The following SRRM3 variants were observed in gnomAD, a reference collection of about 807,000 sequenced individuals.
SRRM3 encodes the protein serine/arginine repetitive matrix 3.
Under a neutral mutation model 66.2 loss-of-function variants are expected in SRRM3, and 27 were observed. The ratio of observed to expected loss-of-function variants is 0.41; its 90% CI spans 0.30 to 0.56. SRRM3 has a LOEUF of 0.56. Ranked by LOEUF, SRRM3 falls within the 20% of genes least tolerant of loss-of-function variation. The pLI is 0.32. For missense variants in SRRM3, 918 were observed against 991.9 expected (o/e 0.93, Z 1.00); for synonymous variants, 391 against 414.9 (o/e 0.94, Z 0.70).
chr7:76,239,546 T>A (rs898509398), intron 2 of SRRM3, among the ~76,000 whole-genome samples: 3 of 151,828 alleles, frequency 2.0e-5, no homozygotes, highest in Non-Finnish European at 4.4e-5. Flanking sequence ...AAAAAAAAAT[T>A]TTTTTAACTA....
intron 3 of SRRM3, 64 bp downstream of exon 3, chr7:76,248,353 T>A: frequency 7.9e-7 from 1 of 1,261,748 alleles, no homozygotes; most frequent in Non-Finnish European, 1.1e-6. Flanking sequence ...AGCTGGGTAC[T>A]AAAGGGGCCT....
At chr7:76,259,868 G>C in intron 3 of SRRM3, 38 bp from the exon 4 acceptor site, 1 of 1,598,832 alleles carries the variant, frequency 6.3e-7, no homozygotes, top group Non-Finnish European at 8.5e-7. Context: ...AAGAAAAGTC[G>C]TCCCGAGACT....
intron 1 of SRRM3, among the ~76,000 whole-genome samples, chr7:76,214,657 A>G (rs533631892): frequency 2.0e-4 from 30 of 152,120 alleles, no homozygotes; most frequent in African/African-American, 7.2e-4. Context: ...GGGAGCCCCA[A>G]CTTCTGAGTT....
At chr7:76,268,867 A>G (rs1264852669) in intron 11 of SRRM3, 1 of 152,404 alleles carries the variant, frequency 6.6e-6, no homozygotes, top group African/African-American at 2.4e-5. Flanking sequence ...ACAACCCACA[A>G]GAGGGGCACC....
chr7:76,245,201 C>T (rs1554606059), intron 2 of SRRM3, among the ~76,000 whole-genome samples: 1 of 152,136 alleles, frequency 6.6e-6, no homozygotes, highest in Non-Finnish European at 1.5e-5. Context: ...AGCATGTGTT[C>T]ATTTTTTTTA....
intron 3 of SRRM3, among the ~76,000 whole-genome samples, chr7:76,249,339 C>T (rs1404468603): frequency 6.6e-6 from 1 of 151,642 alleles, no homozygotes; most frequent in African/African-American, 2.4e-5. Context: ...TGAGCCGCGC[C>T]ACTGCACTCC....
At chr7:76,279,034 C>G (rs1161988641) in intron 11 of SRRM3, among the ~76,000 whole-genome samples, 1 of 152,172 alleles carries the variant, frequency 6.6e-6, no homozygotes, top group Non-Finnish European at 1.5e-5. Flanking sequence ...CAGAGGATCA[C>G]TTGAGGTCAG....
At chr7:76,220,729 G>A (rs1210982548) in intron 1 of SRRM3, among the ~76,000 whole-genome samples, 7 of 152,294 alleles carry the variant, frequency 4.6e-5, no homozygotes, top group East Asian at 1.9e-4. Flanking sequence ...TGCAGTGCCC[G>A]CACCCTTGCA....
At chr7:76,265,828 TTATA>T (rs1167434051) in intron 10 of SRRM3, among the ~76,000 whole-genome samples, 1,637 of 25,532 alleles carry the variant, frequency 0.064, 210 homozygotes, top group South Asian at 0.11. Flanking sequence ...TAATAAATAT[TTATA>T]TATATATATA....
Position 76,285,904 on chromosome 7 carries a change from G to T in SRRM3, c.*61G>T. On this transcript the variant is annotated 3_prime_UTR_variant, in exon 15 of 15. Transcript: ENST00000611745. This position sits in a 1 kb window ranked among gnomAD's most constrained non-coding sequence, Gnocchi z 4.1. ...TGGGAGAGGCGAGGGGCGGGCCCCA[G>T]GACCCCAGTGGGGAGGGGGCTATAT... 6.8e-7 allele frequency: 1 copy of T among 1,479,236 alleles called. No individual in the cohort carries two copies. The highest frequency in any genetic ancestry group is 1.3e-5 in the South Asian group (1 of 75,022). The allele number at this position is 1,479,236 out of a possible 1,614,324, so 91.6% of individuals were successfully genotyped here.
chr7:76,262,888 G>A (rs1300988059), intron 8 of SRRM3, among the ~76,000 whole-genome samples: 2 of 151,852 alleles, frequency 1.3e-5, no homozygotes, highest in Non-Finnish European at 2.9e-5. Flanking sequence ...GAGAGGAGAG[G>A]AGAGCTCGGA....
At chr7:76,251,750 C>G (rs1386540857) in intron 3 of SRRM3, among the ~76,000 whole-genome samples, 8 of 151,710 alleles carry the variant, frequency 5.3e-5, no homozygotes, top group African/African-American at 1.7e-4. Flanking sequence ...GGCAACAGAG[C>G]AAGACCCCCA....
At chr7:76,248,082 G>A in intron 2 of SRRM3, 106 bp from the exon 3 acceptor site, 2 of 786,380 alleles carry the variant, frequency 2.5e-6, no homozygotes, top group Non-Finnish European at 4.3e-6. Context: ...AAGCCGGAGT[G>A]TGCACTTGTG....
chr7:76,259,550 C>T (rs1247281889), intron 3 of SRRM3, among the ~76,000 whole-genome samples: 1 of 150,962 alleles, frequency 6.6e-6, no homozygotes, highest in Non-Finnish European at 1.5e-5. Context: ...GCAACCCAGC[C>T]TGAGCAACAG....
Position 76,252,765 on chromosome 7 carries a change from T to C in SRRM3, c.335+4476T>C, listed in dbSNP as rs186766138. On this transcript the variant is annotated intron_variant, in intron 3 of 14. Coordinates refer to ENST00000611745, the MANE Select transcript of SRRM3 (RefSeq NM_001110199.3). ...ACATCATAGGGAATGTTCCTTTTCT[T>C]CTCTGCACCTCAGTTTTCTCATCTG... Among the ~76,000 whole-genome samples the C allele has an allele frequency of 1.8e-3, 267 of 152,340 alleles. 5 individuals carry two copies. The highest frequency in any genetic ancestry group is 5.8e-4 in the East Asian group (3 of 5,190).
intron 1 of SRRM3, among the ~76,000 whole-genome samples, chr7:76,213,330 G>C (rs1449608775): frequency 1.3e-5 from 2 of 152,064 alleles, no homozygotes; most frequent in African/African-American, 4.8e-5. Context: ...ATTCACACTG[G>C]TGGTTTACCT....
chr7:76,255,360 G>T (rs564180340), intron 3 of SRRM3, among the ~76,000 whole-genome samples: 1 of 151,932 alleles, frequency 6.6e-6, no homozygotes, highest in African/African-American at 2.4e-5. Flanking sequence ...TGCTGGTCAG[G>T]CTGGTCTCGA....
intron 1 of SRRM3, among the ~76,000 whole-genome samples, chr7:76,231,752 A>C (rs1176695296): frequency 6.6e-6 from 1 of 152,236 alleles, no homozygotes; most frequent in Admixed American, 6.5e-5. Context: ...AGTGTGGACA[A>C]AAGATGCGGA....
At chr7:76,232,730 T>C (rs1293159734) in intron 1 of SRRM3, among the ~76,000 whole-genome samples, 4 of 151,630 alleles carry the variant, frequency 2.6e-5, no homozygotes, top group Non-Finnish European at 2.9e-5. Context: ...GGAGGATGTG[T>C]GTGGTGCGGA....
Sources: gnomAD v4.1 joint callset for allele counts (sites outside exome capture counted in the v4.1 genomes callset) on GRCh38, gnomAD v4.1.1 for gene constraint, Gnocchi (gnomAD v3.1) non-coding constraint, MANE v1.5 for transcripts, NCBI Gene and HGNC (gene_info 2026-07-23, HGNC 2026-07-21) for gene names.